PHF24: variants seen among roughly 807,000 people sequenced by gnomAD.
The protein encoded by PHF24 is Galpha inhibitory interacting protein.
In PHF24, 25 loss-of-function variants were observed where a neutral mutation model predicts 42.6. That is an observed-to-expected ratio of 0.59 (90% CI 0.43 to 0.82). The LOEUF (loss-of-function observed/expected upper bound fraction) is 0.82, where lower values mean the gene tolerates loss of function less well. Among genes scored for constraint, PHF24 ranks in the 40% least tolerant of loss-of-function variants. The pLI is 0.00. For synonymous variants in PHF24, 185 were observed against 204.8 expected (o/e 0.90, Z 0.83); for missense variants, 470 against 538.1 (o/e 0.87, Z 1.25).
the PHF24 span, among the ~76,000 whole-genome samples, chr9:34,826,010 G>A: frequency 6.6e-6 from 1 of 152,046 alleles, no homozygotes; most frequent in South Asian, 2.1e-4. Flanking sequence ...TACTTGCCTG[G>A]CTGTGGACCA....
the PHF24 span, among the ~76,000 whole-genome samples, chr9:34,937,045 G>C: frequency 1.5e-3 from 196 of 134,000 alleles, 5 homozygotes; most frequent in Non-Finnish European, 2.5e-3. Flanking sequence ...CCCCCCCCCC[G>C]GGCCAGCCGC....
the PHF24 span, among the ~76,000 whole-genome samples, chr9:34,673,829 G>A: frequency 2.0e-5 from 3 of 152,126 alleles, no homozygotes; most frequent in Admixed American, 6.5e-5. Flanking sequence ...CACCATGTTA[G>A]CCAGGATGGT....
chr9:34,683,730 TG>T, the PHF24 span, among the ~76,000 whole-genome samples: 1 of 152,254 alleles, frequency 6.6e-6, no homozygotes, highest in Admixed American at 6.5e-5. Flanking sequence ...GGAAATTCTC[TG>T]TTTTTCAATT....
chr9:34,725,727 G>C, the PHF24 span: 1 of 1,547,594 alleles, frequency 6.5e-7, no homozygotes, highest in Non-Finnish European at 8.7e-7. Flanking sequence ...TGAGCTCGTT[G>C]ATGGTCAGAT....
intron 3 of PHF24, among the ~76,000 whole-genome samples, chr9:34,973,039 T>C (rs1487342607): frequency 6.6e-6 from 1 of 152,128 alleles, no homozygotes; most frequent in African/African-American, 2.4e-5. Flanking sequence ...AAGTGCATTG[T>C]AGGATGTTTA....
the PHF24 span, among the ~76,000 whole-genome samples, chr9:34,784,876 T>C: frequency 2.0e-4 from 31 of 152,346 alleles, no homozygotes; most frequent in African/African-American, 6.7e-4. Context: ...GTCAACCAGT[T>C]TTTTCTAATG....
the PHF24 span, among the ~76,000 whole-genome samples, chr9:34,911,132 CT>C: frequency 5.9e-5 from 9 of 151,840 alleles, no homozygotes; most frequent in African/African-American, 2.2e-4. Flanking sequence ...CCTATTTTGT[CT>C]AATTACTAAC....
chr9:34,911,464 G>A, the PHF24 span, among the ~76,000 whole-genome samples: 3 of 151,780 alleles, frequency 2.0e-5, no homozygotes, highest in Admixed American at 6.6e-5. Flanking sequence ...CATCTTGGCC[G>A]GCCGGTCTTG....
At chr9:34,709,653 T>A in the PHF24 span, 1 of 1,614,076 alleles carries the variant, frequency 6.2e-7, no homozygotes. Context: ...TGCACATAGC[T>A]CTGCCTGAGA....
the PHF24 span, among the ~76,000 whole-genome samples, chr9:34,927,629 A>G: frequency 6.6e-6 from 1 of 152,098 alleles, no homozygotes; most frequent in Non-Finnish European, 1.5e-5. Flanking sequence ...TTTCCCTGCA[A>G]TAAGAAGTCC....
chr9:34,939,210 T>C, the PHF24 span, among the ~76,000 whole-genome samples: 14 of 151,800 alleles, frequency 9.2e-5, no homozygotes, highest in African/African-American at 3.4e-4. Flanking sequence ...ACCCAGGAGG[T>C]GGAGGTTGCA....
chr9:34,837,201 G>A, the PHF24 span: 1 of 456,116 alleles, frequency 2.2e-6, no homozygotes, highest in Middle Eastern at 3.3e-4. Flanking sequence ...GGAGGTTGGA[G>A]GCCTTTGACT....
At chr9:34,771,048 G>T in the PHF24 span, among the ~76,000 whole-genome samples, 5 of 152,176 alleles carry the variant, frequency 3.3e-5, no homozygotes, top group Admixed American at 1.3e-4. Flanking sequence ...AGGAGGCAGA[G>T]GTTGCAGTGA....
chr9:34,865,641 T>C, the PHF24 span, among the ~76,000 whole-genome samples: 94 of 151,970 alleles, frequency 6.2e-4, no homozygotes, highest in East Asian at 0.017. Context: ...TCAAAAAACA[T>C]ACAATGGATA....
chr9:34,966,729 T>C (rs1228758925), intron 1 of PHF24, among the ~76,000 whole-genome samples: 1 of 152,214 alleles, frequency 6.6e-6, no homozygotes, highest in Non-Finnish European at 1.5e-5. Context: ...CTCACTGTGT[T>C]GCCCAGGTTT....
the PHF24 span, among the ~76,000 whole-genome samples, chr9:34,911,051 T>C: frequency 2.6e-5 from 4 of 152,200 alleles, no homozygotes; most frequent in African/African-American, 9.6e-5. Context: ...CTTGAACTCC[T>C]GAATTCAACT....
exon 2 of PHF24, chr9:34,971,571 G>A (rs1826985892): frequency 6.2e-7 from 1 of 1,613,994 alleles, no homozygotes; most frequent in Admixed American, 1.7e-5. Context: ...TGGAGCCTGA[G>A]GAGTTTGACA....
chr9:34,730,294 C>T, the PHF24 span, among the ~76,000 whole-genome samples: 18 of 152,296 alleles, frequency 1.2e-4, no homozygotes, highest in South Asian at 2.3e-3. Flanking sequence ...CTTCAGGACC[C>T]ATTACTTCCA....
the PHF24 span, among the ~76,000 whole-genome samples, chr9:34,793,613 C>T: frequency 2.6e-5 from 4 of 152,090 alleles, no homozygotes; most frequent in East Asian, 3.9e-4. Context: ...CTCCTCTGAC[C>T]GGAACTGAAA....
Sources: gnomAD v4.1 joint callset for allele counts (sites outside exome capture counted in the v4.1 genomes callset) on GRCh38, gnomAD v4.1.1 for gene constraint, MANE v1.5 for transcripts, NCBI Gene and HGNC (gene_info 2026-07-23, HGNC 2026-07-21) for gene names.